The following CNTNAP2 variants were observed in gnomAD, a reference collection of about 807,000 sequenced individuals.
CNTNAP2 encodes the protein contactin-associated protein-like 2.
In CNTNAP2, 98 loss-of-function variants were observed where a neutral mutation model predicts 155.2. That is an observed-to-expected ratio of 0.63 (90% CI 0.54 to 0.75). CNTNAP2 has a LOEUF of 0.75. CNTNAP2 is among the 30% of genes least tolerant of loss of function. CNTNAP2 has a pLI of 0.00. For missense variants in CNTNAP2, 1,727 were observed against 1,688.1 expected (o/e 1.02, Z -0.40); for synonymous variants, 651 against 631.2 (o/e 1.03, Z -0.47).
intron 13 of CNTNAP2, among the ~76,000 whole-genome samples, chr7:147,800,537 G>A (rs1326352939): frequency 1.1e-4 from 16 of 151,860 alleles, no homozygotes; most frequent in Non-Finnish European, 1.3e-4. Flanking sequence ...TCATTTGGGT[G>A]TATAGATCTC....
chr7:147,516,285 CA>C (rs1365367254), intron 11 of CNTNAP2, among the ~76,000 whole-genome samples: 4 of 152,094 alleles, frequency 2.6e-5, no homozygotes, highest in Admixed American at 1.3e-4. Context: ...CAAAATTACT[CA>C]GGCTCAATGA....
intron 1 of CNTNAP2, among the ~76,000 whole-genome samples, chr7:146,577,840 A>G (rs1457399768): frequency 6.6e-6 from 1 of 152,076 alleles, no homozygotes; most frequent in Non-Finnish European, 1.5e-5. Flanking sequence ...AAAAAAAGAA[A>G]GTGAAAAAAA....
chr7:146,361,418 ATG>A (rs1233906098), intron 1 of CNTNAP2, among the ~76,000 whole-genome samples: 3 of 152,136 alleles, frequency 2.0e-5, no homozygotes, highest in Non-Finnish European at 2.9e-5. Context: ...TCACTTGAAT[ATG>A]TGTCATAGTA....
chr7:147,609,262 T>C (rs1377091057), intron 12 of CNTNAP2, among the ~76,000 whole-genome samples: 1 of 152,164 alleles, frequency 6.6e-6, no homozygotes, highest in African/African-American at 2.4e-5. Flanking sequence ...CCGGGCGCGG[T>C]GGCTCACGCC....
chr7:147,748,003 A>G (rs570791789), intron 13 of CNTNAP2, among the ~76,000 whole-genome samples: 2 of 152,354 alleles, frequency 1.3e-5, no homozygotes, highest in East Asian at 1.9e-4. Flanking sequence ...TCAGCAGTCA[A>G]TCACCCGCCT....
At chr7:148,316,099 A>G (rs974894319) in intron 21 of CNTNAP2, among the ~76,000 whole-genome samples, 2 of 152,204 alleles carry the variant, frequency 1.3e-5, no homozygotes, top group African/African-American at 4.8e-5. Context: ...TGGCAAGAAC[A>G]TGGCAGGAAC....
chr7:147,431,278 C>T (rs1797462136), intron 10 of CNTNAP2, among the ~76,000 whole-genome samples: 1 of 152,062 alleles, frequency 6.6e-6, no homozygotes, highest in South Asian at 2.1e-4. Flanking sequence ...GTAAAACAAT[C>T]AATAAATTTT....
rs1239661088 is a variant in CNTNAP2, at chr7:146,596,611, G to C, written c.98-177660G>C. On this transcript the variant is annotated intron_variant, in intron 1 of 23. Transcript: ENST00000361727. ...GAAGGGAGACAGAGAGAGAGAGAGA[G>C]AGAGAGAGAGAGAGAGAGAGAGAGA... Among the ~76,000 whole-genome samples the C allele has an allele frequency of 3.4e-5, 5 of 145,820 alleles. No individual in the cohort carries two copies. In the South Asian group the frequency reaches 6.5e-4, roughly 19 times the overall value.
At chr7:147,246,098 T>TATATATACATATATATGGC (rs1804060116) in intron 8 of CNTNAP2, among the ~76,000 whole-genome samples, 2 of 150,364 alleles carry the variant, frequency 1.3e-5, no homozygotes, top group African/African-American at 4.9e-5. Flanking sequence ...ATATGGCATA[T>TATATATACATATATATGGC]ATATATATAC....
intron 3 of CNTNAP2, among the ~76,000 whole-genome samples, chr7:147,031,784 G>C (rs1229703465): frequency 6.6e-6 from 1 of 152,176 alleles, no homozygotes; most frequent in Non-Finnish European, 1.5e-5. Flanking sequence ...CGGGCGTGGT[G>C]GCCTGTGCCT....
intron 3 of CNTNAP2, among the ~76,000 whole-genome samples, chr7:147,042,446 CG>C (rs563710706): frequency 6.8e-4 from 104 of 152,116 alleles, no homozygotes; most frequent in African/African-American, 2.4e-3. Flanking sequence ...GGAATTTGAC[CG>C]GGGAATGCGG....
intron 1 of CNTNAP2, among the ~76,000 whole-genome samples, chr7:146,462,532 T>G (rs1796652284): frequency 6.6e-6 from 1 of 152,212 alleles, no homozygotes; most frequent in African/African-American, 2.4e-5. Flanking sequence ...TAATCACTAG[T>G]TGATCTCTTT....
chr7:147,310,769 G>C (rs979278983), intron 9 of CNTNAP2, among the ~76,000 whole-genome samples: 1 of 152,140 alleles, frequency 6.6e-6, no homozygotes, highest in Non-Finnish European at 1.5e-5. Context: ...AGCATAGTAA[G>C]GAAGGCTTTA....
At chr7:147,482,675 C>T (rs987802555) in intron 10 of CNTNAP2, among the ~76,000 whole-genome samples, 7 of 146,802 alleles carry the variant, frequency 4.8e-5, no homozygotes, top group African/African-American at 1.0e-4. Context: ...GAGCCGAGAT[C>T]GCGCCACTGC....
rs529180931 is a variant in CNTNAP2, at chr7:147,319,262, G to A, written c.1498+18972G>A. 5.9e-5 allele frequency among the ~76,000 whole-genome samples: 9 copies of A among 152,192 alleles called. No individual in the cohort carries two copies. In the South Asian group the frequency reaches 1.9e-3, roughly 32 times the overall value. On this transcript the variant is annotated intron_variant, in intron 9 of 23. Coordinates refer to ENST00000361727, the MANE Select transcript of CNTNAP2 (RefSeq NM_014141.6). ...CTTCTTAATTCTTTAAAAACATTAA[G>A]TATATATACATTTTTATTAGGGAAG...
At chr7:146,638,910 A>G (rs1563167184) in intron 1 of CNTNAP2, among the ~76,000 whole-genome samples, 3 of 152,202 alleles carry the variant, frequency 2.0e-5, no homozygotes, top group African/African-American at 7.2e-5. Flanking sequence ...CTAAGGCTGT[A>G]TGGTATAACC....
At chr7:146,395,117 T>G (rs2129107108) in intron 1 of CNTNAP2, among the ~76,000 whole-genome samples, 1 of 152,348 alleles carries the variant, frequency 6.6e-6, no homozygotes, top group South Asian at 2.1e-4. Flanking sequence ...TATACATATA[T>G]ACCACATTTT....
chr7:147,080,272 A>G (rs1044934238), intron 4 of CNTNAP2, among the ~76,000 whole-genome samples: 7 of 152,212 alleles, frequency 4.6e-5, no homozygotes, highest in Non-Finnish European at 1.0e-4. Context: ...CTGTGAAAAC[A>G]TGGGAATAAT....
chr7:146,407,801 A>G lies in CNTNAP2; in HGVS notation c.97+290828A>G, dbSNP rs1795813723. On this transcript the variant is annotated intron_variant, in intron 1 of 23. Coordinates refer to ENST00000361727, the MANE Select transcript of CNTNAP2 (RefSeq NM_014141.6). ...TACGTCTGCCACCACTGAGACAGCA[A>G]GACCAAGCCCTCCTCTTTCCACTCC... is the stretch of plus-strand genomic sequence containing the variant. 2.0e-5 allele frequency among the ~76,000 whole-genome samples: 3 copies of G among 152,136 alleles called. No individual in the cohort carries two copies. The South Asian group carries it at 6.2e-4, about 32-fold the overall frequency.
Sources: allele counts gnomAD v4.1 joint callset (sites outside exome capture counted in the v4.1 genomes callset), GRCh38; gene constraint gnomAD v4.1.1; transcripts MANE v1.5; gene names NCBI Gene and HGNC (gene_info 2026-07-23, HGNC 2026-07-21).